SORCS1: variants seen among roughly 807,000 people sequenced by gnomAD.
The protein encoded by SORCS1 is VPS10 domain-containing receptor SorCS1.
Under a neutral mutation model 146.1 loss-of-function variants are expected in SORCS1, and 60 were observed. That is an observed-to-expected ratio of 0.41 (90% CI 0.33 to 0.51). The LOEUF (loss-of-function observed/expected upper bound fraction) is 0.51. Ranked by LOEUF, SORCS1 falls within the 20% of genes least tolerant of loss-of-function variation. The pLI is 0.21. For synonymous variants in SORCS1, 637 were observed against 584.0 expected, an observed-to-expected ratio of 1.09 and a Z score of -1.31; for missense variants, 1,352 against 1,487.6, an observed-to-expected ratio of 0.91 and a Z score of 1.50.
rs1004906095 is a variant in SORCS1 at position 106,688,284 on chromosome 10, T to G, written c.1468A>C (p.Lys490Gln). 7.4e-6 allele frequency: 12 copies of G among 1,613,912 alleles called. No individual in the cohort carries two copies. Among genetic ancestry groups the G allele is most frequent in the Non-Finnish European group, 1.0e-5 (12 of 1,179,930 alleles). ...CCTTTGTTATATGTGATGAAAGTCT[T>G]CACTTGGTTGTCAATCTTCTTGTTA... ...LANKKIDNQVKTFITYNKGRD... is the reference protein window; with the variant it reads ...LANKKIDNQVQTFITYNKGRD... The change falls in exon 10 of 26, where the codon AAG (lysine) becomes CAG (glutamine). Residue 490 changes from lysine (K) to glutamine (Q), a missense_variant. Lys to Gln is a moderately conservative substitution (Grantham distance 53). Coordinates refer to ENST00000263054, the MANE Select transcript of SORCS1 (RefSeq NM_052918.5).
chr10:107,092,882 T>TG (rs989111557), intron 1 of SORCS1, among the ~76,000 whole-genome samples: 6 of 28,750 alleles, frequency 2.1e-4, no homozygotes, highest in Admixed American at 8.6e-4. Context: ...AAGAAGACCA[T>TG]GAAAAAAAAA....
At chr10:106,962,394 C>CAAAAAAAAAAAAA (rs60616146) in intron 1 of SORCS1, among the ~76,000 whole-genome samples, 4 of 62,576 alleles carry the variant, frequency 6.4e-5, no homozygotes, top group East Asian at 5.6e-4. Context: ...AACTCCATCT[C>CAAAAAAAAAAAAA]AAAAAAAAAA....
chr10:107,023,179 G>C (rs890693116), intron 1 of SORCS1, among the ~76,000 whole-genome samples: 4 of 152,190 alleles, frequency 2.6e-5, no homozygotes, highest in African/African-American at 9.7e-5. Context: ...GCCATCATTA[G>C]CTGCTGGCCA....
chr10:106,707,535 T>C (rs1450164717), intron 7 of SORCS1, among the ~76,000 whole-genome samples: 2 of 152,142 alleles, frequency 1.3e-5, no homozygotes, highest in African/African-American at 2.4e-5. Context: ...AATCTCACTC[T>C]ATTGCCCAGG....
chr10:106,794,577 AC>A (rs1384512250), intron 3 of SORCS1, among the ~76,000 whole-genome samples: 2 of 141,580 alleles, frequency 1.4e-5, no homozygotes, highest in Non-Finnish European at 3.0e-5. Flanking sequence ...ATCTCGGCTC[AC>A]TGCAAGCTGT....
intron 1 of SORCS1, among the ~76,000 whole-genome samples, chr10:106,986,511 CGT>C (rs58888609): frequency 0.047 from 6,901 of 148,284 alleles, 193 homozygotes; most frequent in Middle Eastern, 0.087. Context: ...TATATACAAC[CGT>C]GTGTGTGTGT....
At chr10:106,802,778 C>T (rs192119543) in intron 3 of SORCS1, among the ~76,000 whole-genome samples, 1 of 151,856 alleles carries the variant, frequency 6.6e-6, no homozygotes, top group African/African-American at 2.4e-5. Context: ...GAATTACAGG[C>T]GTGAGCCACC....
At chr10:106,903,431 T>A (rs1007674189) in intron 2 of SORCS1, among the ~76,000 whole-genome samples, 6 of 152,220 alleles carry the variant, frequency 3.9e-5, no homozygotes, top group Non-Finnish European at 8.8e-5. Flanking sequence ...CTCCAAGAGT[T>A]GCAGCAGAAC....
intron 3 of SORCS1, among the ~76,000 whole-genome samples, chr10:106,825,397 G>C (rs1310576924): frequency 6.7e-6 from 1 of 150,286 alleles, no homozygotes; most frequent in African/African-American, 2.5e-5. Context: ...TCAGCCTCCT[G>C]AGTAGCTGGG....
At chr10:106,649,156 G>A (rs980648319) in intron 18 of SORCS1, among the ~76,000 whole-genome samples, 29 of 152,128 alleles carry the variant, frequency 1.9e-4, no homozygotes, top group African/African-American at 6.3e-4. Flanking sequence ...GTAAGAACCC[G>A]GGATACAGAA....
At chr10:106,668,646 A>G (rs1851354769) in intron 16 of SORCS1, among the ~76,000 whole-genome samples, 1 of 152,142 alleles carries the variant, frequency 6.6e-6, no homozygotes, top group Non-Finnish European at 1.5e-5. Context: ...CTGGCACACA[A>G]GGGTCAGTAA....
At chr10:107,014,389 C>T (rs1957814183) in intron 1 of SORCS1, among the ~76,000 whole-genome samples, 1 of 152,080 alleles carries the variant, frequency 6.6e-6, no homozygotes, top group African/African-American at 2.4e-5. Flanking sequence ...CATCAGCCCT[C>T]TTGTGGGGGC....
chr10:107,163,823 C>G (rs1969888650), intron 1 of SORCS1, 146 bp downstream of exon 1: 1 of 892,382 alleles, frequency 1.1e-6, no homozygotes, highest in Non-Finnish European at 1.7e-6. Context: ...GTGATGTTAA[C>G]TCTTGGGGGA....
intron 3 of SORCS1, among the ~76,000 whole-genome samples, chr10:106,789,407 C>T (rs1382531861): frequency 1.3e-5 from 2 of 152,166 alleles, no homozygotes; most frequent in African/African-American, 4.8e-5. Context: ...TTTTCAAATT[C>T]ATGCTCTGCT....
intron 1 of SORCS1, among the ~76,000 whole-genome samples, chr10:107,026,631 G>GT (rs1007396288): frequency 2.0e-5 from 3 of 150,910 alleles, no homozygotes; most frequent in Non-Finnish European, 3.0e-5. Context: ...AAAAAAAAAA[G>GT]TTTTTTGGTT....
intron 5 of SORCS1, among the ~76,000 whole-genome samples, chr10:106,739,878 G>A (rs1857240690): frequency 6.6e-6 from 1 of 151,320 alleles, no homozygotes; most frequent in South Asian, 2.1e-4. Context: ...CGTCAACCCG[G>A]AGGCAGAGCT....
intron 2 of SORCS1, among the ~76,000 whole-genome samples, chr10:106,842,238 T>A (rs957453797): frequency 1.3e-5 from 2 of 152,210 alleles, no homozygotes; most frequent in African/African-American, 2.4e-5. Flanking sequence ...ATTATTTTAT[T>A]TATTTTTGTT....
intron 2 of SORCS1, among the ~76,000 whole-genome samples, chr10:106,874,191 G>A (rs574999107): frequency 1.2e-4 from 19 of 152,238 alleles, no homozygotes; most frequent in African/African-American, 4.6e-4. Flanking sequence ...GCCTGAAATG[G>A]TTTTTTAAAT....
chr10:106,756,892 C>T (rs1409519824), intron 5 of SORCS1, among the ~76,000 whole-genome samples: 1 of 152,168 alleles, frequency 6.6e-6, no homozygotes, highest in African/African-American at 2.4e-5. Flanking sequence ...CTTGCCCCTC[C>T]CTAGTTCCTG....
Sources: gnomAD v4.1 joint callset for allele counts (sites outside exome capture counted in the v4.1 genomes callset) on GRCh38, gnomAD v4.1.1 for gene constraint, MANE v1.5 for transcripts, NCBI Gene and HGNC (gene_info 2026-07-23, HGNC 2026-07-21) for gene names.